The following RIMS2 variants were observed in gnomAD, a reference collection of about 807,000 sequenced individuals.
The protein encoded by RIMS2 is regulating synaptic membrane exocytosis protein 2.
RIMS2 carries 59 observed loss-of-function variants against 174.4 expected under a neutral mutation model. That is an observed-to-expected ratio of 0.34 (90% CI 0.27 to 0.42). The LOEUF is 0.42. Among genes scored for constraint, RIMS2 ranks in the 10% least tolerant of loss-of-function variants. The pLI is 1.00. For missense variants in RIMS2, 1,620 were observed against 1,666.3 expected, an observed-to-expected ratio of 0.97 and a Z score of 0.48; for synonymous variants, 606 against 572.5, an observed-to-expected ratio of 1.06 and a Z score of -0.84.
At chr8:103,501,405 C>T (rs1394929578) in intron 1 of RIMS2, 1 of 160,684 alleles carries the variant, frequency 6.2e-6, no homozygotes, top group African/African-American at 2.4e-5. Context: ...CGTACCCTCT[C>T]CTTTCCCGCC....
At chr8:104,223,115 AC>A (rs2099163096) in intron 19 of RIMS2, among the ~76,000 whole-genome samples, 1 of 152,168 alleles carries the variant, frequency 6.6e-6, no homozygotes, top group Non-Finnish European at 1.5e-5. Context: ...GAGATGCCTA[AC>A]TCACTGCATC....
intron 1 of RIMS2, among the ~76,000 whole-genome samples, chr8:103,644,488 T>G (rs1464833338): frequency 1.3e-5 from 2 of 152,134 alleles, no homozygotes; most frequent in African/African-American, 4.8e-5. Flanking sequence ...AGGAGTTCAC[T>G]GTTAATAATG....
At chr8:103,596,062 T>C (rs1046358011) in intron 1 of RIMS2, among the ~76,000 whole-genome samples, 1 of 152,002 alleles carries the variant, frequency 6.6e-6, no homozygotes, top group East Asian at 1.9e-4. Flanking sequence ...TCTTCTGAAA[T>C]TTGTCTTAAT....
chr8:104,060,875 C>T (rs1031345607), intron 19 of RIMS2, among the ~76,000 whole-genome samples: 18 of 152,018 alleles, frequency 1.2e-4, no homozygotes, highest in African/African-American at 3.9e-4. Flanking sequence ...TGTAGTTGAG[C>T]GGTTTTGAGT....
At chr8:104,253,182 G>A (rs939882318), downstream of RIMS2, 4 of 152,094 alleles carry the variant, frequency 2.6e-5, no homozygotes, top group Non-Finnish European at 5.9e-5. Context: ...CTAAAATCAT[G>A]TTGCCATTGT....
intron 19 of RIMS2, among the ~76,000 whole-genome samples, chr8:104,142,926 C>T (rs1227256997): frequency 6.6e-6 from 1 of 152,090 alleles, no homozygotes; most frequent in African/African-American, 2.4e-5. Context: ...AAATACTAAA[C>T]TTTAAATTTC....
chr8:103,537,799 TC>T (rs1228637306), intron 1 of RIMS2, among the ~76,000 whole-genome samples: 2 of 152,162 alleles, frequency 1.3e-5, no homozygotes, highest in African/African-American at 2.4e-5. Flanking sequence ...TTTGCTTTAA[TC>T]TTTCCAACTA....
chr8:104,152,775 A>G lies in RIMS2; in HGVS notation c.3335-92141A>G, dbSNP rs1365752836. On this transcript the variant is annotated intron_variant, in intron 19 of 23. Transcript: ENST00000504942. ...AAATTCTTTGTGTGTTTTCAGCTAT[A>G]TGTTTGTATTTTCAAAGACTTGTTT... Among the ~76,000 whole-genome samples, 7 of 152,148 alleles carry G rather than the reference A, an allele frequency of 4.6e-5. No individual in the cohort carries two copies. The East Asian group carries it at 1.2e-3, about 25-fold the overall frequency.
At chr8:104,239,681 A>T (rs1295024864) in intron 19 of RIMS2, among the ~76,000 whole-genome samples, 2 of 152,228 alleles carry the variant, frequency 1.3e-5, no homozygotes, top group Non-Finnish European at 2.9e-5. Flanking sequence ...CTCCTCATGT[A>T]AAAAACTTAT....
chr8:103,737,332 T>C (rs2097699656), intron 2 of RIMS2, among the ~76,000 whole-genome samples: 2 of 151,638 alleles, frequency 1.3e-5, no homozygotes, highest in Non-Finnish European at 2.9e-5. Flanking sequence ...TACAGGTGCA[T>C]GCCACCATGT....
At position 104,092,400 on chromosome 8, in the gene RIMS2, G is replaced by C. The variant is rs185531559; in HGVS notation, c.3334+77785G>C. Among the ~76,000 whole-genome samples the C allele has an allele frequency of 1.3e-4, 20 of 151,884 alleles. No homozygotes were observed. In the East Asian group the frequency reaches 3.9e-3, roughly 29 times the overall value. On this transcript the variant is annotated intron_variant, in intron 19 of 23. Coordinates refer to ENST00000504942, the Ensembl canonical transcript of RIMS2. ...ATAATAATGTTTCAGCATTAAGTTT[G>C]AAGTGCATCTAAACAAATAAAAATC...
At chr8:103,786,827 T>G (rs201161617) in intron 3 of RIMS2, among the ~76,000 whole-genome samples, 1 of 152,106 alleles carries the variant, frequency 6.6e-6, no homozygotes, top group Non-Finnish European at 1.5e-5. Context: ...GGGTATCCTT[T>G]TTGACTTTCT....
chr8:104,041,342 A>G lies in RIMS2; in HGVS notation c.3334+26727A>G, dbSNP rs1164765512. The G allele has an allele frequency of 1.0e-5, 7 of 697,466 alleles. No homozygotes were observed. In the African/African-American group the frequency reaches 1.2e-4, roughly 12 times the overall value. 43.2% of individuals were successfully genotyped at this position (697,466 alleles called of 1,614,324 possible). Reference sequence around the variant, plus strand: ...TGATCACAGAAGAACTGGACTCTACAAGGAGAAGATATGCAGGTCTGTCTC... The same window carrying G: ...TGATCACAGAAGAACTGGACTCTACGAGGAGAAGATATGCAGGTCTGTCTC... On this transcript the variant is annotated intron_variant, in intron 19 of 23. Transcript: ENST00000504942.
intron 19 of RIMS2, among the ~76,000 whole-genome samples, chr8:104,052,133 A>G (rs2096796893): frequency 6.6e-6 from 1 of 152,192 alleles, no homozygotes; most frequent in Non-Finnish European, 1.5e-5. Flanking sequence ...GGAAATTTTT[A>G]GGGTGATAGA....
intron 14 of RIMS2, among the ~76,000 whole-genome samples, chr8:103,951,642 G>T (rs2085399234): frequency 1.3e-5 from 2 of 152,172 alleles, no homozygotes; most frequent in Non-Finnish European, 2.9e-5. Flanking sequence ...ATGCTACCAG[G>T]GCCCTGGGTT....
intron 1 of RIMS2, among the ~76,000 whole-genome samples, chr8:103,606,459 G>GA (rs1019382270): frequency 1.8e-4 from 27 of 152,166 alleles, no homozygotes; most frequent in African/African-American, 6.3e-4. Context: ...GTGTGGTGCT[G>GA]AAAAAAATGT....
At chr8:103,922,854 T>TA (rs56237027) in intron 10 of RIMS2, among the ~76,000 whole-genome samples, 19,219 of 151,832 alleles carry the variant, frequency 0.13, 1,683 homozygotes, top group Non-Finnish European at 0.19. Context: ...TTGAAGTTAT[T>TA]AAAAAAATCA....
chr8:103,968,859 A>G (rs1426941165), intron 15 of RIMS2, among the ~76,000 whole-genome samples: 1 of 148,352 alleles, frequency 6.7e-6, no homozygotes, highest in Non-Finnish European at 1.5e-5. Context: ...CATTCTTTCT[A>G]AAAAAAAATT....
intron 19 of RIMS2, among the ~76,000 whole-genome samples, chr8:104,072,717 C>T (rs753783810): frequency 3.3e-5 from 5 of 152,096 alleles, no homozygotes; most frequent in African/African-American, 9.7e-5. Flanking sequence ...TTTCTCAAGA[C>T]TTCTGCATTG....
Sources: gnomAD v4.1 joint callset for allele counts (sites outside exome capture counted in the v4.1 genomes callset) on GRCh38, gnomAD v4.1.1 for gene constraint, MANE v1.5 for transcripts, NCBI Gene and HGNC (gene_info 2026-07-23, HGNC 2026-07-21) for gene names.